The following ZNF496 variants were observed in gnomAD, a reference collection of about 807,000 sequenced individuals.
The protein encoded by ZNF496 is zinc finger protein 496.
A neutral mutation model predicts 58.9 loss-of-function variants in ZNF496; 11 were observed. The observed-to-expected ratio is 0.19, with a 90% confidence interval of 0.12 to 0.31. The LOEUF (loss-of-function observed/expected upper bound fraction) is 0.31, where lower values mean the gene tolerates loss of function less well. Among genes scored for constraint, ZNF496 ranks in the 10% least tolerant of loss-of-function variants. The pLI is 1.00. For missense variants in ZNF496, 660 were observed against 783.0 expected (o/e 0.84, Z 1.88); for synonymous variants, 338 against 318.2 (o/e 1.06, Z -0.66).
At chr1:247,328,428 C>T (rs918814392) in intron 5 of ZNF496, among the ~76,000 whole-genome samples, 7 of 152,302 alleles carry the variant, frequency 4.6e-5, no homozygotes, top group Middle Eastern at 3.4e-3. Context: ...AGGGCACCAC[C>T]TCAGTGACAC....
In ZNF496 at chr1:247,300,791, C is replaced by T. The variant is rs868422521; in HGVS notation, c.1492G>A (p.Glu498Lys). Residue 498 changes from glutamate (E) to lysine (K), a missense_variant, in exon 10 of 10, where the codon GAG becomes AAG. Coordinates refer to ENST00000682384, the MANE Select transcript of ZNF496 (RefSeq NM_032752.3). The surrounding 1 kb of genome is among the most constrained non-coding windows in gnomAD (Gnocchi z 5.7). The part of the protein sequence containing the change: ...PDRLQPVEKR[E>K]QAASEDADKG... ...TCCGCGTCCTCGGATGCCGCCTGCT[C>T]TCTCTTCTCCACCGGCTGGAGTCTG... 3 of 1,601,578 alleles carry T rather than the reference C, an allele frequency of 1.9e-6. No individual in the cohort carries two copies. Among genetic ancestry groups the T allele is most frequent in the African/African-American group, 2.7e-5 (2 of 74,846 alleles).
intron 7 of ZNF496, 112 bp downstream of exon 7, chr1:247,310,212 G>T (rs997695583): frequency 2.0e-6 from 3 of 1,532,422 alleles, no homozygotes. Flanking sequence ...AGAGAGATCT[G>T]ATGCAGGCCC....
chr1:247,316,135 GGTGTGTGTGTGT>G (rs148003455), intron 6 of ZNF496, among the ~76,000 whole-genome samples: 21 of 139,926 alleles, frequency 1.5e-4, no homozygotes, highest in African/African-American at 2.7e-4. Flanking sequence ...CTGGGAGAGG[GGTGTGTGTGTGT>G]GTGTGTGTGT....
chr1:247,310,537 C>T, intron 6 of ZNF496, 81 bp from the exon 7 acceptor site: 1 of 1,563,528 alleles, frequency 6.4e-7, no homozygotes, highest in Non-Finnish European at 8.7e-7. Context: ...GCTGTGACAA[C>T]ACAACGCTGT....
At chr1:247,328,995 G>A in intron 4 of ZNF496, 129 bp from the exon 5 acceptor site, 1 of 1,387,042 alleles carries the variant, frequency 7.2e-7, no homozygotes, top group Non-Finnish European at 9.8e-7. Flanking sequence ...CTGTAAAGGG[G>A]CACGACACTA....
At chr1:247,304,942 G>A (rs1315051513) in intron 9 of ZNF496, among the ~76,000 whole-genome samples, 2 of 152,156 alleles carry the variant, frequency 1.3e-5, no homozygotes, top group Non-Finnish European at 2.9e-5. Flanking sequence ...TGAGAATTTG[G>A]GGGCTGTTGG....
chr1:247,320,308 G>C (rs920060050), intron 6 of ZNF496, among the ~76,000 whole-genome samples: 10 of 152,180 alleles, frequency 6.6e-5, no homozygotes, highest in Admixed American at 6.5e-4. Context: ...AAAAGCAATG[G>C]AATAGTAACA....
At chr1:247,316,742 C>T (rs1412151063) in intron 6 of ZNF496, among the ~76,000 whole-genome samples, 1 of 152,144 alleles carries the variant, frequency 6.6e-6, no homozygotes, top group Non-Finnish European at 1.5e-5. Context: ...AGTCCAAGGG[C>T]CAGGTGGGTG....
At chr1:247,310,096 G>A in intron 7 of ZNF496, 2 of 1,430,872 alleles carry the variant, frequency 1.4e-6, no homozygotes, top group South Asian at 1.5e-5. Context: ...GTTCTATTTG[G>A]TTCTGATAAG....
At chr1:247,321,131 G>A (rs1364293010) in intron 6 of ZNF496, among the ~76,000 whole-genome samples, 3 of 151,840 alleles carry the variant, frequency 2.0e-5, no homozygotes, top group Non-Finnish European at 2.9e-5. Context: ...AGCCGAGATC[G>A]AGCCACTACA....
chr1:247,324,414 CA>C (rs2103030940), intron 5 of ZNF496, among the ~76,000 whole-genome samples: 1 of 152,242 alleles, frequency 6.6e-6, no homozygotes, highest in African/African-American at 2.4e-5. Flanking sequence ...TGACTATAGG[CA>C]GTAACAACGT....
rs1315673831 is a variant in ZNF496 at position 247,323,694 on chromosome 1, G to A, written c.575-464C>T. 2.6e-5 allele frequency among the ~76,000 whole-genome samples: 4 copies of A among 151,834 alleles called. No individual in the cohort carries two copies. In the East Asian group the frequency reaches 5.8e-4, roughly 22 times the overall value. On this transcript the variant is annotated intron_variant, in intron 5 of 9. Coordinates refer to ENST00000682384, the MANE Select transcript of ZNF496 (RefSeq NM_032752.3). ...CTATTCTTATTTTGGGGACTGAGGT[G>A]GGAGAATCACTTGAGCCCAGGAGTT...
At chr1:247,320,855 G>C (rs1055904499) in intron 6 of ZNF496, among the ~76,000 whole-genome samples, 13 of 152,152 alleles carry the variant, frequency 8.5e-5, no homozygotes, top group African/African-American at 2.9e-4. Flanking sequence ...ATACACACAT[G>C]GGAGTATTAT....
chr1:247,310,568 A>T, intron 6 of ZNF496, 112 bp from the exon 7 acceptor site: 1 of 1,388,650 alleles, frequency 7.2e-7, no homozygotes, highest in Non-Finnish European at 9.8e-7. Flanking sequence ...GTTTCTATAC[A>T]ACAGAAATCT....
chr1:247,303,344 AC>A (rs1239177207), intron 9 of ZNF496, among the ~76,000 whole-genome samples: 1 of 152,178 alleles, frequency 6.6e-6, no homozygotes, highest in East Asian at 1.9e-4. Flanking sequence ...TGTTTAAGTC[AC>A]CCAGCCTGTG....
At chr1:247,327,405 G>A (rs6690864) in intron 5 of ZNF496, among the ~76,000 whole-genome samples, 32,490 of 152,152 alleles carry the variant, frequency 0.21, 3,992 homozygotes, top group East Asian at 0.41. Flanking sequence ...TTCTCTTAGT[G>A]TTAACATTAG....
At chr1:247,313,059 T>TA (rs1659658055) in intron 6 of ZNF496, 1 of 152,206 alleles carries the variant, frequency 6.6e-6, no homozygotes, top group Admixed American at 6.5e-5. Context: ...CCTTGCTCCA[T>TA]AGATGGTCAT....
intron 6 of ZNF496, among the ~76,000 whole-genome samples, chr1:247,315,678 G>C (rs1659746001): frequency 6.6e-6 from 1 of 152,100 alleles, no homozygotes; most frequent in Admixed American, 6.5e-5. Context: ...GGAAAGTGAA[G>C]GAAAGGGTAT....
At chr1:247,323,295 T>G (rs985976889) in intron 5 of ZNF496, 65 bp from the exon 6 acceptor site, 1 of 1,208,500 alleles carries the variant, frequency 8.3e-7, no homozygotes, top group African/African-American at 1.5e-5. Flanking sequence ...TGATACCTTC[T>G]GAGCTTCCTG....
Sources: gnomAD v4.1 joint callset for allele counts (sites outside exome capture counted in the v4.1 genomes callset) on GRCh38, gnomAD v4.1.1 for gene constraint, Gnocchi (gnomAD v3.1) non-coding constraint, MANE v1.5 for transcripts, NCBI Gene and HGNC (gene_info 2026-07-23, HGNC 2026-07-21) for gene names.